Variants in RPN1 observed in about 807,000 individuals in gnomAD.
RPN1 encodes the protein ribophorin I.
A neutral mutation model predicts 55.5 loss-of-function variants in RPN1; 12 were observed. The observed-to-expected ratio is 0.22, with a 90% confidence interval of 0.14 to 0.35. RPN1 has a LOEUF of 0.35. Ranked by LOEUF, RPN1 falls within the 10% of genes least tolerant of loss-of-function variation. The pLI is 1.00. For missense variants in RPN1, 679 were observed against 761.3 expected (o/e 0.89, Z 1.27); for synonymous variants, 317 against 305.9 (o/e 1.04, Z -0.38).
intron 5 of RPN1, among the ~76,000 whole-genome samples, chr3:128,627,770 C>CAAAAA (rs71689582): frequency 8.3e-5 from 6 of 71,954 alleles, no homozygotes; most frequent in Middle Eastern, 8.3e-3. Context: ...GACTCCATCT[C>CAAAAA]AAAAAAAAAA....
Position 128,650,624 on chromosome 3 carries a change from G to A in RPN1, c.177C>T (p.Gly59=), listed in dbSNP as rs779865182. ...AGGTAGCTCGGGACGTGGAGCCGCC[G>A]CCCAGGTGCGCCAGGACCACCTCGG... is the stretch of plus-strand genomic sequence containing the variant. The part of the protein sequence containing the change: ...VTAEVVLAHL[G]GGSTSRATSF... The change falls in exon 1 of 10, where the codon GGC becomes GGT. Residue 59 remains glycine (G), a synonymous_variant. Transcript: ENST00000296255. 1 of 1,553,104 alleles carries A rather than the reference G, an allele frequency of 6.4e-7. No individual in the cohort carries two copies. The highest frequency in any genetic ancestry group is 1.2e-5 in the South Asian group (1 of 84,264).
At chr3:128,641,453 T>C (rs1348894001) in intron 2 of RPN1, among the ~76,000 whole-genome samples, 2 of 152,114 alleles carry the variant, frequency 1.3e-5, no homozygotes, top group African/African-American at 4.8e-5. Context: ...CCCAGTTAAC[T>C]AAACACACCA....
chr3:128,623,515 G>A (rs2069575407), intron 8 of RPN1, among the ~76,000 whole-genome samples: 1 of 151,730 alleles, frequency 6.6e-6, no homozygotes, highest in Non-Finnish European at 1.5e-5. Flanking sequence ...TCCAGCCTGG[G>A]TAACAGAGTG....
intron 1 of RPN1, among the ~76,000 whole-genome samples, chr3:128,647,724 T>C (rs1167111328): frequency 8.6e-5 from 13 of 151,224 alleles, no homozygotes; most frequent in Admixed American, 8.6e-4. Context: ...CATTCTAGTA[T>C]ATGTGTGTGT....
intron 8 of RPN1, 34 bp downstream of exon 8, chr3:128,625,500 C>T (rs565529252): frequency 3.1e-6 from 5 of 1,613,890 alleles, no homozygotes; most frequent in Admixed American, 3.3e-5. Context: ...ACCAAGGACA[C>T]AAATGACAAG....
At chr3:128,624,170 G>GT (rs779611117) in intron 8 of RPN1, among the ~76,000 whole-genome samples, 41 of 152,196 alleles carry the variant, frequency 2.7e-4, no homozygotes, top group Non-Finnish European at 5.4e-4. Flanking sequence ...ATTGAGTACT[G>GT]TATTTCCTAT....
Position 128,644,962 on chromosome 3 carries a change from C to T in RPN1, c.283G>A (p.Glu95Lys), listed in dbSNP as rs376078228. ...GVQVKGEDEE[E>K]NNLEVRETKI... ...GTTTCACGTACTTCCAAATTGTTCT[C>T]TTCCTCATCTTCTCCCTTTACCTAC... The change falls in exon 2 of 10, where the codon GAG becomes AAG. Residue 95 changes from glutamate to lysine, a missense_variant. Around this residue, in one of 3 missense-constraint regions of RPN1, gnomAD observed 352 missense variants for 352.8 expected, o/e 1.00. Transcript: ENST00000296255. The T allele has an allele frequency of 1.3e-6, 2 of 1,576,194 alleles. No homozygotes were observed. Among genetic ancestry groups the T allele is most frequent in the African/African-American group, 1.3e-5 (1 of 74,304 alleles).
At chr3:128,634,392 A>G (rs1004391721) in intron 3 of RPN1, among the ~76,000 whole-genome samples, 1 of 152,092 alleles carries the variant, frequency 6.6e-6, no homozygotes, top group Admixed American at 6.6e-5. Context: ...AGAATATTCT[A>G]AGTGGCAAAG....
At chr3:128,620,731 A>C in intron 9 of RPN1, 138 bp from the exon 10 acceptor site, 1 of 875,992 alleles carries the variant, frequency 1.1e-6, no homozygotes, top group South Asian at 1.8e-5. Context: ...ACAGTGTCCC[A>C]GGGCAGCAGG....
chr3:128,622,261 C>T lies in RPN1; in HGVS notation c.1544G>A (p.Gly515Asp), dbSNP rs374967774. Reference sequence around the variant, plus strand: ...GTGTTCAGTCTCCAGGCTCTTCTTGCCACTGTTGAGGGTGGAGATGTCCCG... The same window carrying T: ...GTGTTCAGTCTCCAGGCTCTTCTTGTCACTGTTGAGGGTGGAGATGTCCCG... ...QSRDISTLNS[G>D]KKSLETEHKA... is the part of the protein sequence containing the mutation. The change falls in exon 9 of 10, where the codon GGC (glycine) becomes GAC (aspartate). Residue 515 changes from glycine to aspartate, a missense_variant. Gly to Asp is a moderately conservative substitution (Grantham distance 94). Around this residue, in one of 3 missense-constraint regions of RPN1, gnomAD observed 306 missense variants for 360.0 expected, o/e 0.85. Transcript: ENST00000296255. 7.1e-5 allele frequency: 115 copies of T among 1,614,110 alleles called. No individual in the cohort carries two copies. The highest frequency in any genetic ancestry group is 8.7e-5 in the Non-Finnish European group (103 of 1,180,046).
chr3:128,641,162 T>G (rs906591628), intron 2 of RPN1: 3 of 152,146 alleles, frequency 2.0e-5, no homozygotes, highest in Non-Finnish European at 2.9e-5. Context: ...TGTGAATGAC[T>G]TGGTTTTTTA....
chr3:128,622,361 C>G lies in RPN1; in HGVS notation c.1444G>C (p.Val482Leu). The change falls in exon 9 of 10, where the codon GTC becomes CTC. Residue 482 changes from valine (V) to leucine (L), a missense_variant. Physicochemically the swap from Val to Leu is conservative, Grantham distance 32. Around this residue, in one of 3 missense-constraint regions of RPN1, gnomAD observed 306 missense variants for 360.0 expected, o/e 0.85. Transcript: ENST00000296255. The stretch of plus-strand genomic sequence containing the variant: ...ATTCTCTTGTTGACCAGGGTCAAGA[C>G]CTGCTCTGTGATGCAGGCTACCTTC... ...RMKVACITEQ[V>L]LTLVNKRIGL... 2 of 1,614,216 alleles carry G rather than the reference C, an allele frequency of 1.2e-6. No individual in the cohort carries two copies. Among genetic ancestry groups the G allele is most frequent in the Non-Finnish European group, 1.7e-6 (2 of 1,180,038 alleles).
chr3:128,649,987 T>A (rs1288481305), intron 1 of RPN1, among the ~76,000 whole-genome samples: 1 of 152,250 alleles, frequency 6.6e-6, no homozygotes, highest in Non-Finnish European at 1.5e-5. Flanking sequence ...TTCTGATGGT[T>A]CTCTATGTCT....
intron 5 of RPN1, among the ~76,000 whole-genome samples, chr3:128,629,645 T>C (rs762889810): frequency 1.3e-5 from 2 of 152,252 alleles, no homozygotes; most frequent in Non-Finnish European, 2.9e-5. Context: ...TGTTTTTTAT[T>C]ATTCTCTGAA....
At chr3:128,631,099 C>A (rs2069637986) in intron 4 of RPN1, among the ~76,000 whole-genome samples, 1 of 135,548 alleles carries the variant, frequency 7.4e-6, no homozygotes, top group South Asian at 2.4e-4. Context: ...GGCAATAGAG[C>A]GAGACTCTGT....
intron 2 of RPN1, chr3:128,644,404 A>T (rs1241054387): frequency 3.5e-6 from 1 of 284,302 alleles, no homozygotes; most frequent in Non-Finnish European, 7.0e-6. Context: ...TAATCCTAGG[A>T]CTCTGGGAGG....
intron 2 of RPN1, among the ~76,000 whole-genome samples, chr3:128,640,468 T>C (rs887117816): frequency 1.3e-5 from 2 of 152,172 alleles, no homozygotes; most frequent in Non-Finnish European, 2.9e-5. Context: ...AGCGGAATCT[T>C]CTCCTCAGGA....
Position 128,620,430 on chromosome 3 carries a change from T to C in RPN1, c.1805A>G (p.His602Arg). The C allele has an allele frequency of 2.5e-6, 4 of 1,613,780 alleles. No individual in the cohort carries two copies. Among genetic ancestry groups the C allele is most frequent in the Non-Finnish European group, 3.4e-6 (4 of 1,179,804 alleles). ...KRQELVTKIDHILDAL is the reference protein window; with the variant it reads ...KRQELVTKIDRILDAL ...CAGGGGCTACAGGGCATCCAGGATGTGGTCGATCTTGGTGACCAGCTCCTG... is the reference window on the plus strand; with the variant it reads ...CAGGGGCTACAGGGCATCCAGGATGCGGTCGATCTTGGTGACCAGCTCCTG... Residue 602 changes from histidine (H) to arginine (R), a missense_variant, in exon 10 of 10, where the codon CAC becomes CGC. Coordinates refer to ENST00000296255, the MANE Select transcript of RPN1 (RefSeq NM_002950.4).
At chr3:128,635,691 AC>A (rs1266329374) in intron 3 of RPN1, among the ~76,000 whole-genome samples, 1 of 29,514 alleles carries the variant, frequency 3.4e-5, no homozygotes, top group Non-Finnish European at 6.8e-5. Context: ...CTATAGATAT[AC>A]ACACACACAC....
Sources: allele counts gnomAD v4.1 joint callset (sites outside exome capture counted in the v4.1 genomes callset), GRCh38; gene constraint gnomAD v4.1.1; regional missense constraint gnomAD v4.1.1; transcripts MANE v1.5; gene names NCBI Gene and HGNC (gene_info 2026-07-23, HGNC 2026-07-21).